Variants in ACYP2 observed in about 807,000 individuals in gnomAD.
ACYP2 encodes acylphosphatase 2.
In ACYP2, 12 loss-of-function variants were observed where a neutral mutation model predicts 11.2. The ratio of observed to expected loss-of-function variants is 1.08; its 90% CI spans 0.69 to 1.74. ACYP2 has a LOEUF of 1.74. Ranked by LOEUF, ACYP2 falls within the 40% of genes most tolerant of loss-of-function variation. The probability of loss-of-function intolerance (pLI) is 0.00; values close to 1 mark genes in which losing one functional copy is unlikely to be tolerated. For synonymous variants in ACYP2, 43 were observed against 32.2 expected (o/e 1.33, Z -1.13); for missense variants, 134 against 101.9 (o/e 1.31, Z -1.35).
At chr2:54,168,888 A>G (rs1683116204) in intron 6 of ACYP2, among the ~76,000 whole-genome samples, 1 of 152,230 alleles carries the variant, frequency 6.6e-6, no homozygotes. Context: ...CAAAATTTTT[A>G]GTGCATGCTT....
chr2:54,013,982 G>A (rs997007811), intron 2 of ACYP2, among the ~76,000 whole-genome samples: 3 of 151,874 alleles, frequency 2.0e-5, no homozygotes, highest in Non-Finnish European at 4.4e-5. Context: ...ACGTGGTGAA[G>A]CCCCTTCTCC....
chr2:54,089,372 GA>G (rs1012046895), intron 4 of ACYP2, among the ~76,000 whole-genome samples: 4 of 151,918 alleles, frequency 2.6e-5, no homozygotes, highest in African/African-American at 9.7e-5. Context: ...CAGGAGAGGA[GA>G]TTGCTTGAGG....
intron 6 of ACYP2, among the ~76,000 whole-genome samples, chr2:54,274,650 AAAAG>A (rs1471623984): frequency 4.0e-5 from 6 of 150,296 alleles, no homozygotes; most frequent in African/African-American, 1.5e-4. Context: ...AAAAAAAAAA[AAAAG>A]TTCTCTGAAA....
chr2:54,186,620 T>G (rs1233871552), intron 6 of ACYP2, among the ~76,000 whole-genome samples: 2 of 152,098 alleles, frequency 1.3e-5, no homozygotes, highest in Non-Finnish European at 2.9e-5. Flanking sequence ...TTCAAGTGAT[T>G]CTTCTGCCTC....
chr2:54,099,777 T>G (rs1283635895), intron 4 of ACYP2, among the ~76,000 whole-genome samples: 1 of 152,226 alleles, frequency 6.6e-6, no homozygotes, highest in Non-Finnish European at 1.5e-5. Flanking sequence ...AGATATCTCT[T>G]CAACATACTG....
chr2:54,051,303 C>T, intron 3 of ACYP2: 1 of 766,596 alleles, frequency 1.3e-6, no homozygotes, highest in Non-Finnish European at 2.4e-6. Flanking sequence ...AAGCAGCAGC[C>T]AGATGCTTCA....
At chr2:54,123,123 A>C in intron 4 of ACYP2, 1 of 371,784 alleles carries the variant, frequency 2.7e-6, no homozygotes, top group Non-Finnish European at 4.8e-6. Flanking sequence ...TTTACCCAGT[A>C]GATGAGTCAC....
chr2:53,975,437 T>G (rs1386141780), intron 2 of ACYP2: 6 of 392,440 alleles, frequency 1.5e-5, no homozygotes, highest in African/African-American at 6.2e-5. Context: ...GGTCTGCTCA[T>G]TAGTGGAGAC....
chr2:54,013,525 C>T (rs976048245), intron 2 of ACYP2, among the ~76,000 whole-genome samples: 7 of 151,796 alleles, frequency 4.6e-5, no homozygotes, highest in Non-Finnish European at 7.4e-5. Context: ...GTCTTGAACT[C>T]CTGACCTCAG....
intron 2 of ACYP2, among the ~76,000 whole-genome samples, chr2:54,007,229 C>T (rs936274789): frequency 2.1e-5 from 3 of 145,470 alleles, no homozygotes; most frequent in African/African-American, 7.4e-5. Context: ...TCAGGCCCCT[C>T]CCATCATCCT....
chr2:54,026,487 G>T (rs559021630), intron 2 of ACYP2, among the ~76,000 whole-genome samples: 57 of 152,288 alleles, frequency 3.7e-4, no homozygotes, highest in African/African-American at 1.3e-3. Context: ...AACTACTATG[G>T]AAAACAGTAT....
At chr2:54,160,982 A>C (rs769969328) in intron 6 of ACYP2, among the ~76,000 whole-genome samples, 11 of 152,358 alleles carry the variant, frequency 7.2e-5, no homozygotes, top group Non-Finnish European at 1.5e-4. Context: ...AATGATCTCA[A>C]AGTAGGACCT....
At chr2:54,176,024 C>T (rs1346342032) in intron 6 of ACYP2, among the ~76,000 whole-genome samples, 1 of 152,182 alleles carries the variant, frequency 6.6e-6, no homozygotes, top group Admixed American at 6.5e-5. Context: ...CCATGAGGAA[C>T]AGGCCCTTAT....
At chr2:54,161,738 A>G (rs1682719941) in intron 6 of ACYP2, among the ~76,000 whole-genome samples, 1 of 152,222 alleles carries the variant, frequency 6.6e-6, no homozygotes. Context: ...ACACTTTAAA[A>G]AGTTATCCTT....
intron 6 of ACYP2, chr2:54,255,972 C>T (rs570502084): frequency 3.5e-5 from 56 of 1,614,102 alleles, no homozygotes; most frequent in Admixed American, 1.7e-4. Context: ...GATCCTGGGG[C>T]GCGACCCCCT....
At position 54,004,365 on chromosome 2, in the gene ACYP2, G is replaced by C. The variant is rs1336862636; in HGVS notation, c.62+30555G>C. ...TTTCATATCCTTACCTGCCATCTGTGTATCTTCTTTGGTGAGGTGTCTGTT... is the reference window on the plus strand; with the variant it reads ...TTTCATATCCTTACCTGCCATCTGTCTATCTTCTTTGGTGAGGTGTCTGTT... On this transcript the variant is annotated intron_variant, in intron 2 of 6. Transcript: ENST00000607452. Among the ~76,000 whole-genome samples, 2 of 138,366 alleles carry C rather than the reference G, an allele frequency of 1.4e-5. 1 individual carries two copies. The highest frequency in any genetic ancestry group is 3.1e-5 in the Non-Finnish European group (2 of 64,320). The allele number at this position is 138,366 out of a possible 152,430, so 90.8% of individuals were successfully genotyped here. A position where few individuals can be genotyped will look rare whatever the true frequency, so the allele number is the denominator to read the frequency against.
At chr2:54,243,515 G>C (rs1221310311) in intron 6 of ACYP2, among the ~76,000 whole-genome samples, 1 of 151,972 alleles carries the variant, frequency 6.6e-6, no homozygotes, top group Non-Finnish European at 1.5e-5. Flanking sequence ...TATTTTTTGA[G>C]ATGGAGTCTC....
intron 6 of ACYP2, among the ~76,000 whole-genome samples, chr2:54,190,834 A>T (rs1348712651): frequency 6.6e-6 from 1 of 151,996 alleles, no homozygotes; most frequent in Non-Finnish European, 1.5e-5. Context: ...TGTGTTCAAA[A>T]CCAAAGTCTT....
At chr2:53,973,293 A>G (rs890611879) in intron 1 of ACYP2, among the ~76,000 whole-genome samples, 3 of 152,224 alleles carry the variant, frequency 2.0e-5, no homozygotes, top group African/African-American at 7.2e-5. Flanking sequence ...AAATATGGAC[A>G]ACCTTTTAAA....
Sources: gnomAD v4.1 joint callset for allele counts (sites outside exome capture counted in the v4.1 genomes callset) on GRCh38, gnomAD v4.1.1 for gene constraint, MANE v1.5 for transcripts, NCBI Gene and HGNC (gene_info 2026-07-23, HGNC 2026-07-21) for gene names.